FOXA1: variants seen among roughly 807,000 people sequenced by gnomAD.
FOXA1 encodes the protein forkhead box A1.
FOXA1 carries 9 observed loss-of-function variants against 29.2 expected under a neutral mutation model. The ratio of observed to expected loss-of-function variants is 0.31; its 90% CI spans 0.19 to 0.54. FOXA1 has a LOEUF of 0.54. Among genes scored for constraint, FOXA1 ranks in the 20% least tolerant of loss-of-function variants. FOXA1 has a pLI of 0.95. For synonymous variants in FOXA1, 340 were observed against 300.9 expected (o/e 1.13, Z -1.34); for missense variants, 644 against 681.2 (o/e 0.95, Z 0.61).
chr14:37,594,286 G>A, intron 1 of FOXA1: 2 of 1,211,582 alleles, frequency 1.7e-6, no homozygotes, highest in Non-Finnish European at 2.1e-6. Flanking sequence ...GTGCCACCAA[G>A]GGGACAATGA....
In FOXA1 at chr14:37,592,349, C is replaced by T. The variant is rs1426984314; in HGVS notation, c.435G>A (p.Pro145=). ...CCGCGCGGCTGCGGCCCAGGTTGGA[C>T]GGCGCGTACGCCATGGGGCTCATGC... ...NPCMSPMAYA[P]SNLGRSRAGG... is the part of the protein sequence containing the mutation. The change falls in exon 2 of 2, where the codon CCG becomes CCA. Residue 145 remains proline, a synonymous_variant. Transcript: ENST00000250448. 4.4e-6 allele frequency: 7 copies of T among 1,597,982 alleles called. No individual in the cohort carries two copies. The highest frequency in any genetic ancestry group is 1.3e-5 in the African/African-American group (1 of 74,398).
At position 37,591,329 on chromosome 14, in the gene FOXA1, C is replaced by T. The variant is rs780538350; in HGVS notation, c.*36G>A. Reference sequence around the variant, plus strand: ...TTGATTTTTTCTCTCTTGCTACCAGCATGGCTATGCCAGACAAACCCCCCA... The same window carrying T: ...TTGATTTTTTCTCTCTTGCTACCAGTATGGCTATGCCAGACAAACCCCCCA... On this transcript the variant is annotated 3_prime_UTR_variant, in exon 2 of 2. Coordinates refer to ENST00000250448, the MANE Select transcript of FOXA1 (RefSeq NM_004496.5). The T allele has an allele frequency of 5.0e-6, 8 of 1,609,556 alleles. No homozygotes were observed. The highest frequency in any genetic ancestry group is 3.3e-5 in the South Asian group (3 of 90,972).
chr14:37,592,911 C>G (rs1160301787), intron 1 of FOXA1, among the ~76,000 whole-genome samples, 200 bp from the exon 2 acceptor site: 1 of 152,216 alleles, frequency 6.6e-6, no homozygotes, highest in Non-Finnish European at 1.5e-5. Flanking sequence ...AAAATCCTAG[C>G]GCGGCAGGCA....
rs1403865779 is a variant in FOXA1 at position 37,594,305 on chromosome 14, A to G, written c.72+596T>C. The G allele has an allele frequency of 1.0e-5, 12 of 1,178,732 alleles. No homozygotes were observed. The Admixed American group carries it at 2.8e-4, about 27-fold the overall frequency. 73.0% of individuals were successfully genotyped at this position (1,178,732 alleles called of 1,614,324 possible). The stretch of plus-strand genomic sequence containing the variant: ...CACCAAGGGGACAATGAAGAGAAAC[A>G]GGTTCTCGGCCCAGAGTTGTGAAGA... On this transcript the variant is annotated intron_variant, in intron 1 of 1. Coordinates refer to ENST00000250448, the MANE Select transcript of FOXA1 (RefSeq NM_004496.5).
Position 37,595,206 on chromosome 14 carries a change from C to T in FOXA1, c.-234G>A. ...GGGGGCAGGCGGCTGCCGCGGAGCGCGGCGCCGGGGAGCGCCTCCGCGGGA... is the reference window on the plus strand; with the variant it reads ...GGGGGCAGGCGGCTGCCGCGGAGCGTGGCGCCGGGGAGCGCCTCCGCGGGA... On this transcript the variant is annotated 5_prime_UTR_variant, in exon 1 of 2. Transcript: ENST00000250448. 1 of 211,894 alleles carries T rather than the reference C, an allele frequency of 4.7e-6. No individual in the cohort carries two copies. The highest frequency in any genetic ancestry group is 9.3e-6 in the Non-Finnish European group (1 of 107,854). 13.1% of individuals were successfully genotyped at this position (211,894 alleles called of 1,614,324 possible). A position where few individuals can be genotyped will look rare whatever the true frequency, so the allele number is the denominator to read the frequency against.
In FOXA1 at chr14:37,591,669, G is replaced by T. The variant is rs1477439140; in HGVS notation, c.1115C>A (p.Ala372Asp). 6.3e-7 allele frequency: 1 copy of T among 1,592,086 alleles called. No individual in the cohort carries two copies. Among genetic ancestry groups the T allele is most frequent in the African/African-American group, 1.3e-5 (1 of 74,540 alleles). The stretch of plus-strand genomic sequence containing the variant: ...TGCCAAGCCGTGTGCCGGGTGAGAG[G>T]CGGGCACAGAGGCCAGCGCCCCGGG... ...SGPGALASVP[A>D]SHPAHGLAPH... Residue 372 changes from alanine to aspartate, a missense_variant, in exon 2 of 2, where the codon GCC becomes GAC. Coordinates refer to ENST00000250448, the MANE Select transcript of FOXA1 (RefSeq NM_004496.5).
At position 37,591,465 on chromosome 14, in the gene FOXA1, C is replaced by A. The variant is rs1380244732; in HGVS notation, c.1319G>T (p.Gly440Val). Residue 440 changes from glycine (G) to valine (V), a missense_variant, in exon 2 of 2, where the codon GGC (glycine) becomes GTC (valine). This residue lies in a region of FOXA1 where 295 missense variants were observed against 294.4 expected (regional missense o/e 1.00). Transcript: ENST00000250448. ...GCTCCTGGTGGTCACCGAGGCGCTG[C>A]CTAGAGGCAGGCTGGCGGGCAACGT... ...GSTLPASLPLGSASVTTRSPI... is the reference protein window; with the variant it reads ...GSTLPASLPLVSASVTTRSPI... 6.2e-7 allele frequency: 1 copy of A among 1,614,224 alleles called. No individual in the cohort carries two copies. The highest frequency in any genetic ancestry group is 1.1e-5 in the South Asian group (1 of 91,082).
At position 37,590,627 on chromosome 14, in the gene FOXA1, A is replaced by G. The variant is rs2095594627; in HGVS notation, c.*738T>C. ...TCGGTCAAGCAACTCTTGAGAATGT[A>G]TCATGTATATCACCTATCTATTACC... On this transcript the variant is annotated 3_prime_UTR_variant, in exon 2 of 2. Coordinates refer to ENST00000250448, the MANE Select transcript of FOXA1 (RefSeq NM_004496.5). 2 of 227,162 alleles carry G rather than the reference A, an allele frequency of 8.8e-6. No homozygotes were observed. The highest frequency in any genetic ancestry group is 5.7e-5 in the Admixed American group (1 of 17,632). 14.1% of individuals were successfully genotyped at this position (227,162 alleles called of 1,614,324 possible).
In FOXA1 at chr14:37,592,477, C is replaced by A; in HGVS notation, c.307G>T (p.Ala103Ser). 6.2e-7 allele frequency: 1 copy of A among 1,607,596 alleles called. No homozygotes were observed. Among genetic ancestry groups the A allele is most frequent in the Non-Finnish European group, 8.5e-7 (1 of 1,179,004 alleles). ...CTCGGGCTCAGCGCCGTACCCATGG[C>A]CGTCACGCCGGCCGCAGTCATGCTG... Reference protein sequence around the residue: ...MNSMTAAGVTAMGTALSPSGM... With the variant: ...MNSMTAAGVTSMGTALSPSGM... Residue 103 changes from alanine to serine, a missense_variant, in exon 2 of 2, where the codon GCC (alanine) becomes TCC (serine). Around this residue, in one of 5 missense-constraint regions of FOXA1, gnomAD observed 309 missense variants for 307.0 expected, o/e 1.01. Coordinates refer to ENST00000250448, the MANE Select transcript of FOXA1 (RefSeq NM_004496.5).
In FOXA1 at chr14:37,591,659, C is replaced by T. The variant is rs771973050; in HGVS notation, c.1125G>A (p.Pro375=). ...GALASVPASH[P]AHGLAPHESQ... is the part of the protein sequence containing the mutation. Reference sequence around the variant, plus strand: ...ACTCGTGGGGTGCCAAGCCGTGTGCCGGGTGAGAGGCGGGCACAGAGGCCA... The same window carrying T: ...ACTCGTGGGGTGCCAAGCCGTGTGCTGGGTGAGAGGCGGGCACAGAGGCCA... Residue 375 remains proline, a synonymous_variant, in exon 2 of 2, where the codon CCG becomes CCA. Transcript: ENST00000250448. The T allele has an allele frequency of 2.5e-6, 4 of 1,594,738 alleles. No individual in the cohort carries two copies. The South Asian group carries it at 4.5e-5, about 18-fold the overall frequency.
In FOXA1 at chr14:37,590,474, C is replaced by T; in HGVS notation, c.*891G>A. 1 of 227,196 alleles carries T rather than the reference C, an allele frequency of 4.4e-6. No individual in the cohort carries two copies. The highest frequency in any genetic ancestry group is 8.7e-6 in the Non-Finnish European group (1 of 114,392). The allele number at this position is 227,196 out of a possible 1,614,324, so 14.1% of individuals were successfully genotyped here. A position where few individuals can be genotyped will look rare whatever the true frequency, so the allele number is the denominator to read the frequency against. On this transcript the variant is annotated 3_prime_UTR_variant, in exon 2 of 2. Transcript: ENST00000250448. ...AAACTAATTTTATGTGTTATGTGAC[C>T]TCAGAATGACATGACCATGGCACTC... is the stretch of plus-strand genomic sequence containing the variant.
chr14:37,594,121 A>G, intron 1 of FOXA1: 2 of 1,287,378 alleles, frequency 1.6e-6, no homozygotes, highest in Non-Finnish European at 2.0e-6. Flanking sequence ...TATCCAAGGC[A>G]GTTCCAATAC....
In FOXA1 at chr14:37,592,535, G is replaced by A. The variant is rs2095597041; in HGVS notation, c.249C>T (p.Ala83=). Reference sequence around the variant, plus strand: ...CGCCCGCCGAGCCCCCCGGCATGCCGGCTACTGCGCCGGGACTCAGGCCGG... The same window carrying A: ...CGCCCGCCGAGCCCCCCGGCATGCCAGCTACTGCGCCGGGACTCAGGCCGG... ...LGAGLSPGAV[A]GMPGGSAGAM... is the part of the protein sequence containing the mutation. The change falls in exon 2 of 2, where the codon GCC becomes GCT. Residue 83 remains alanine (A), a synonymous_variant. Transcript: ENST00000250448. 1.2e-6 allele frequency: 2 copies of A among 1,613,626 alleles called. No homozygotes were observed. Among genetic ancestry groups the A allele is most frequent in the East Asian group, 4.5e-5 (2 of 44,846 alleles).
Position 37,592,349 on chromosome 14 carries a change from C to G in FOXA1, c.435G>C (p.Pro145=), listed in dbSNP as rs1426984314. 2 of 1,598,102 alleles carry G rather than the reference C, an allele frequency of 1.3e-6. No homozygotes were observed. Among genetic ancestry groups the G allele is most frequent in the Non-Finnish European group, 8.5e-7 (1 of 1,173,882 alleles). Residue 145 remains proline (P), a synonymous_variant, in exon 2 of 2, where the codon CCG becomes CCC. Coordinates refer to ENST00000250448, the MANE Select transcript of FOXA1 (RefSeq NM_004496.5). ...NPCMSPMAYA[P]SNLGRSRAGG... is the part of the protein sequence containing the mutation. The stretch of plus-strand genomic sequence containing the variant: ...CCGCGCGGCTGCGGCCCAGGTTGGA[C>G]GGCGCGTACGCCATGGGGCTCATGC...
At chr14:37,594,082 G>T in intron 1 of FOXA1, 1 of 1,259,052 alleles carries the variant, frequency 7.9e-7, no homozygotes, top group Non-Finnish European at 1.0e-6. Flanking sequence ...TTACCTTGGG[G>T]CTTTATTTTC....
At position 37,591,824 on chromosome 14, in the gene FOXA1, T is replaced by C. The variant is rs1263621186; in HGVS notation, c.960A>G (p.Leu320=). The part of the protein sequence containing the change: ...HRGVHGKTGQ[L]EGAPAPGPAA... ...CGGGCCCGGGGGCCGGCGCGCCCTC[T>C]AGCTGGCCGGTCTTCCCGTGCACAC... The change falls in exon 2 of 2, where the codon CTA becomes CTG. Residue 320 remains leucine, a synonymous_variant. Transcript: ENST00000250448. 4.1e-6 allele frequency: 6 copies of C among 1,457,004 alleles called. No individual in the cohort carries two copies. Among genetic ancestry groups the C allele is most frequent in the Admixed American group, 2.7e-5 (1 of 36,662 alleles). 90.3% of individuals were successfully genotyped at this position (1,457,004 alleles called of 1,614,324 possible). A position where few individuals can be genotyped will look rare whatever the true frequency, so the allele number is the denominator to read the frequency against.
Position 37,591,876 on chromosome 14 carries a change from G to T in FOXA1, c.908C>A (p.Pro303His), listed in dbSNP as rs997215836. The change falls in exon 2 of 2, where the codon CCC (proline) becomes CAC (histidine). Residue 303 changes from proline to histidine, a missense_variant. Transcript: ENST00000250448. ...CCGATGGAGGGGCGAGTCGGCGCTG[G>T]GGTTAGAGGCGCCAGAGGGGTCCTT... is the stretch of plus-strand genomic sequence containing the variant. ...SRKDPSGASN[P>H]SADSPLHRGV... 1 of 1,451,974 alleles carries T rather than the reference G, an allele frequency of 6.9e-7. No individual in the cohort carries two copies. Among genetic ancestry groups the T allele is most frequent in the East Asian group, 2.5e-5 (1 of 40,272 alleles). 89.9% of individuals were successfully genotyped at this position (1,451,974 alleles called of 1,614,324 possible). A position where few individuals can be genotyped will look rare whatever the true frequency, so the allele number is the denominator to read the frequency against.
rs2095595904 is a variant in FOXA1 at position 37,591,818 on chromosome 14, G to A, written c.966C>T (p.Gly322=). ...TGGCGGCGGGCCCGGGGGCCGGCGC[G>A]CCCTCTAGCTGGCCGGTCTTCCCGT... is the stretch of plus-strand genomic sequence containing the variant. The part of the protein sequence containing the change: ...GVHGKTGQLE[G]APAPGPAASP... Residue 322 remains glycine (G), a synonymous_variant, in exon 2 of 2, where the codon GGC becomes GGT. Transcript: ENST00000250448. 2.7e-6 allele frequency: 4 copies of A among 1,457,588 alleles called. No individual in the cohort carries two copies. Among genetic ancestry groups the A allele is most frequent in the South Asian group, 2.9e-5 (2 of 68,834 alleles). 90.3% of individuals were successfully genotyped at this position (1,457,588 alleles called of 1,614,324 possible). A position where few individuals can be genotyped will look rare whatever the true frequency, so the allele number is the denominator to read the frequency against.
At chr14:37,593,175 G>T (rs1044006862) in intron 1 of FOXA1, among the ~76,000 whole-genome samples, 18 of 152,310 alleles carry the variant, frequency 1.2e-4, no homozygotes, top group African/African-American at 4.1e-4. Flanking sequence ...TGTCCTAGGG[G>T]TTTTTGCCTA....
Sources: gnomAD v4.1 joint callset for allele counts (sites outside exome capture counted in the v4.1 genomes callset) on GRCh38, gnomAD v4.1.1 for gene constraint, gnomAD v4.1.1 regional missense constraint, MANE v1.5 for transcripts, NCBI Gene and HGNC (gene_info 2026-07-23, HGNC 2026-07-21) for gene names.